FAM184A: variants seen among roughly 807,000 people sequenced by gnomAD.
The protein encoded by FAM184A is protein FAM184A.
A neutral mutation model predicts 143.8 loss-of-function variants in FAM184A; 99 were observed. The ratio of observed to expected loss-of-function variants is 0.69; its 90% CI spans 0.58 to 0.81. FAM184A has a LOEUF of 0.81. Ranked by LOEUF, FAM184A falls within the 40% of genes least tolerant of loss-of-function variation. The pLI is 0.00. For missense variants in FAM184A, 1,217 were observed against 1,310.5 expected, an observed-to-expected ratio of 0.93 and a Z score of 1.10; for synonymous variants, 427 against 446.4, an observed-to-expected ratio of 0.96 and a Z score of 0.55.
At position 118,975,376 on chromosome 6, in the gene FAM184A, C is replaced by T. The variant is rs773081474; in HGVS notation, c.2584-168G>A. Among the ~76,000 whole-genome samples the T allele has an allele frequency of 3.3e-5, 5 of 152,262 alleles. No homozygotes were observed. In the South Asian group the frequency reaches 8.3e-4, roughly 25 times the overall value. ...AAAACCTCAAGGCCTGTTCTCTTTCCACACATATAGTGTGTATATGGATAT... is the reference window on the plus strand; with the variant it reads ...AAAACCTCAAGGCCTGTTCTCTTTCTACACATATAGTGTGTATATGGATAT... On this transcript the variant is annotated intron_variant, in intron 12 of 17. Transcript: ENST00000338891.
At chr6:119,066,845 A>G (rs1194086518) in intron 1 of FAM184A, among the ~76,000 whole-genome samples, 4 of 152,208 alleles carry the variant, frequency 2.6e-5, no homozygotes, top group Non-Finnish European at 5.9e-5. Context: ...AGGTTAATTC[A>G]GAAACATCCA....
intron 7 of FAM184A, chr6:119,006,148 AT>A: frequency 1.3e-6 from 1 of 765,266 alleles, no homozygotes; most frequent in Non-Finnish European, 2.4e-6. Context: ...ATGTTGCCGA[AT>A]GCCAAGAATG....
In FAM184A at chr6:118,974,505, T is replaced by C; in HGVS notation, c.2838A>G (p.Arg946=). ...AATCTGCCCGCATGATATTTTTCTC[T>C]CTGAGGTGGTCTGCTGTCATGACAT... The part of the protein sequence containing the change: ...ELDVMTADHL[R]EKNIMRADFN... The change falls in exon 14 of 18, where the codon AGA becomes AGG. Residue 946 remains arginine, a synonymous_variant. Transcript: ENST00000338891. 1.9e-6 allele frequency: 3 copies of C among 1,612,872 alleles called. No homozygotes were observed. Among genetic ancestry groups the C allele is most frequent in the Non-Finnish European group, 2.5e-6 (3 of 1,179,276 alleles).
intron 1 of FAM184A, among the ~76,000 whole-genome samples, chr6:119,137,872 T>C (rs938007071): frequency 1.3e-5 from 2 of 152,204 alleles, no homozygotes; most frequent in African/African-American, 2.4e-5. Context: ...CAGCAGTCAC[T>C]GCTCCAGTCT....
intron 1 of FAM184A, among the ~76,000 whole-genome samples, chr6:119,030,242 C>A (rs1785817848): frequency 1.3e-5 from 2 of 152,038 alleles, no homozygotes; most frequent in African/African-American, 2.4e-5. Flanking sequence ...CAAATTAATA[C>A]TGCTTTCATT....
intron 1 of FAM184A, among the ~76,000 whole-genome samples, chr6:119,145,336 C>T (rs544794076): frequency 6.6e-6 from 1 of 152,262 alleles, no homozygotes; most frequent in East Asian, 1.9e-4. Flanking sequence ...TGGGAGATAA[C>T]TATCTTTTAT....
chr6:118,969,961 G>T (rs1422677120), intron 14 of FAM184A, among the ~76,000 whole-genome samples: 1 of 90,474 alleles, frequency 1.1e-5, no homozygotes, highest in Non-Finnish European at 2.2e-5. Flanking sequence ...CTAATCACAA[G>T]AAAAAAAAAT....
At chr6:119,015,191 G>A (rs895858982) in intron 5 of FAM184A, among the ~76,000 whole-genome samples, 3 of 152,170 alleles carry the variant, frequency 2.0e-5, no homozygotes, top group African/African-American at 4.8e-5. Context: ...GCTTGCTCTC[G>A]GCGCCTCCTC....
In FAM184A at chr6:119,024,343, G is replaced by A. The variant is rs779797945; in HGVS notation, c.630C>T (p.Ala210=). 6 of 1,614,004 alleles carry A rather than the reference G, an allele frequency of 3.7e-6. No homozygotes were observed. In the East Asian group the frequency reaches 1.3e-4, roughly 36 times the overall value. Residue 210 remains alanine (A), a synonymous_variant, in exon 2 of 18, where the codon GCC becomes GCT. Transcript: ENST00000338891. Reference sequence around the variant, plus strand: ...CCTTTTCCTGGCCTTTATTTACTGAGGCACTGTGATCCTGCTGTGACTTCA... The same window carrying A: ...CCTTTTCCTGGCCTTTATTTACTGAAGCACTGTGATCCTGCTGTGACTTCA... The part of the protein sequence containing the change: ...ELLKSQQDHS[A]SVNKGQEKAE...
chr6:119,052,425 A>G (rs1202633148), intron 1 of FAM184A, among the ~76,000 whole-genome samples: 1 of 152,170 alleles, frequency 6.6e-6, no homozygotes, highest in Non-Finnish European at 1.5e-5. Context: ...CCCTAATGCA[A>G]GCCACCACCA....
intron 6 of FAM184A, among the ~76,000 whole-genome samples, chr6:119,007,779 A>G (rs1034946111): frequency 6.6e-6 from 1 of 152,130 alleles, no homozygotes; most frequent in Non-Finnish European, 1.5e-5. Context: ...CGTCTCTACT[A>G]AAAATACAAA....
At chr6:119,111,200 A>G (rs181747883) in intron 1 of FAM184A, among the ~76,000 whole-genome samples, 1 of 152,358 alleles carries the variant, frequency 6.6e-6, no homozygotes, top group East Asian at 1.9e-4. Context: ...CTCAAAAAGG[A>G]AGTTTTGACA....
chr6:119,091,526 G>A (rs1405151739), intron 1 of FAM184A, among the ~76,000 whole-genome samples: 1 of 152,152 alleles, frequency 6.6e-6, no homozygotes, highest in African/African-American at 2.4e-5. Flanking sequence ...ATAGTCTTGT[G>A]CCCATGTTGT....
chr6:119,000,260 C>G (rs948122777), intron 9 of FAM184A, among the ~76,000 whole-genome samples: 33 of 152,108 alleles, frequency 2.2e-4, no homozygotes, highest in Admixed American at 2.1e-3. Context: ...ACAGAAAACT[C>G]TATATAATCA....
chr6:119,018,544 G>A (rs1464400253), intron 4 of FAM184A, among the ~76,000 whole-genome samples: 1 of 152,178 alleles, frequency 6.6e-6, no homozygotes, highest in African/African-American at 2.4e-5. Flanking sequence ...AAGTAGGCAG[G>A]AATAAAATAA....
At chr6:119,057,821 T>C (rs963849907) in intron 1 of FAM184A, 1 of 146,186 alleles carries the variant, frequency 6.8e-6, no homozygotes, top group African/African-American at 2.5e-5. Flanking sequence ...CATATCACAT[T>C]ACATTACCAA....
In FAM184A at chr6:119,016,873, C is replaced by T. The variant is rs543741385; in HGVS notation, c.1404G>A (p.Leu468=). The change falls in exon 5 of 18, where the codon TTG becomes TTA. Residue 468 remains leucine (L), a synonymous_variant. Coordinates refer to ENST00000338891, the MANE Select transcript of FAM184A (RefSeq NM_024581.6). ...CGTTTAATTGAGTCACCTCCTCTTC[C>T]AATCTACTTTGCAGGTTTTTAAGTT... The part of the protein sequence containing the change: ...ERELKNLQSR[L]EEEVTQLNEA... The T allele has an allele frequency of 1.2e-6, 2 of 1,613,958 alleles. No homozygotes were observed. Among genetic ancestry groups the T allele is most frequent in the East Asian group, 4.5e-5 (2 of 44,866 alleles).
At chr6:119,145,293 G>A (rs1297761204) in intron 1 of FAM184A, among the ~76,000 whole-genome samples, 1 of 152,178 alleles carries the variant, frequency 6.6e-6, no homozygotes, top group Non-Finnish European at 1.5e-5. Flanking sequence ...CTAGGCTGTA[G>A]GGGTGTAAGA....
At chr6:119,062,619 C>A (rs934855590) in intron 1 of FAM184A, among the ~76,000 whole-genome samples, 5 of 152,074 alleles carry the variant, frequency 3.3e-5, no homozygotes, top group African/African-American at 1.2e-4. Flanking sequence ...GTGATCGCAC[C>A]ACTGCATTCC....
Sources: gnomAD v4.1 joint callset for allele counts (sites outside exome capture counted in the v4.1 genomes callset) on GRCh38, gnomAD v4.1.1 for gene constraint, MANE v1.5 for transcripts, NCBI Gene and HGNC (gene_info 2026-07-23, HGNC 2026-07-21) for gene names.